ADAM7: variants seen among roughly 807,000 people sequenced by gnomAD.
ADAM7 encodes disintegrin and metalloproteinase domain-containing protein 7.
A neutral mutation model predicts 102.9 loss-of-function variants in ADAM7; 97 were observed. The ratio of observed to expected loss-of-function variants is 0.94; its 90% CI spans 0.80 to 1.12. The LOEUF (loss-of-function observed/expected upper bound fraction) is 1.12. Among genes scored for constraint, ADAM7 ranks in the 50% most tolerant of loss-of-function variants. ADAM7 has a pLI of 0.00. For synonymous variants in ADAM7, 334 were observed against 304.4 expected, an observed-to-expected ratio of 1.10 and a Z score of -1.01; for missense variants, 991 against 908.7, an observed-to-expected ratio of 1.09 and a Z score of -1.16.
chr8:24,447,758 T>A (rs1002537990), intron 3 of ADAM7, among the ~76,000 whole-genome samples: 1 of 152,164 alleles, frequency 6.6e-6, no homozygotes, highest in Non-Finnish European at 1.5e-5. Context: ...AAAGAATGTC[T>A]ATTGTTGCCG....
chr8:24,463,424 G>T (rs532090978), intron 3 of ADAM7, among the ~76,000 whole-genome samples: 3 of 152,136 alleles, frequency 2.0e-5, no homozygotes, highest in East Asian at 1.9e-4. Flanking sequence ...TCCAAATACA[G>T]CATGGGTAGT....
At chr8:24,473,020 C>A (rs1819657604) in intron 7 of ADAM7, among the ~76,000 whole-genome samples, 1 of 151,712 alleles carries the variant, frequency 6.6e-6, no homozygotes, top group Non-Finnish European at 1.5e-5. Flanking sequence ...AATAGGAAAC[C>A]CCAAAAAGAT....
chr8:24,502,917 AAG>A (rs200058473), intron 20 of ADAM7, among the ~76,000 whole-genome samples: 16 of 69,962 alleles, frequency 2.3e-4, no homozygotes, highest in Non-Finnish European at 4.5e-4. Context: ...TCATTACAAG[AAG>A]AAAAAGCACT....
chr8:24,473,242 T>A (rs1027704839), intron 7 of ADAM7, among the ~76,000 whole-genome samples: 4 of 152,216 alleles, frequency 2.6e-5, no homozygotes, highest in African/African-American at 9.6e-5. Flanking sequence ...AAGTTTATTA[T>A]AACCTTTGTA....
At chr8:24,500,598 C>G (rs1820725574) in intron 18 of ADAM7, among the ~76,000 whole-genome samples, 192 bp from the exon 19 acceptor site, 1 of 152,084 alleles carries the variant, frequency 6.6e-6, no homozygotes, top group Non-Finnish European at 1.5e-5. Context: ...GGTGGAGTGT[C>G]AGTTGCAAAT....
chr8:24,506,290 G>C, intron 20 of ADAM7: 1 of 713,992 alleles, frequency 1.4e-6, no homozygotes, highest in South Asian at 1.8e-5. Context: ...ATCGGAGGTA[G>C]AAATGGGACA....
At chr8:24,476,994 G>A (rs1477956509) in intron 8 of ADAM7, among the ~76,000 whole-genome samples, 2 of 151,584 alleles carry the variant, frequency 1.3e-5, no homozygotes, top group Non-Finnish European at 2.9e-5. Context: ...CATTTTTTTT[G>A]CCGACTCATT....
At chr8:24,459,311 ATTATC>A (rs1374019986) in intron 3 of ADAM7, among the ~76,000 whole-genome samples, 6 of 151,904 alleles carry the variant, frequency 3.9e-5, no homozygotes, top group African/African-American at 1.2e-4. Context: ...GTTTCATAAT[ATTATC>A]TTATAATTTT....
intron 20 of ADAM7, 48 bp downstream of exon 20, chr8:24,501,624 T>A (rs80176469): frequency 4.5e-6 from 5 of 1,116,718 alleles, no homozygotes; most frequent in Admixed American, 4.9e-5. Flanking sequence ...TTTTTTTTTT[T>A]AAGTAGCTGA....
chr8:24,466,955 G>C lies in ADAM7; in HGVS notation c.546G>C (p.Gly182=). ...ATTTTACCAGAAAAACTGTTCCAGG[G>C]GATAATGAATCTGAAGAAGACTCCA... is the stretch of plus-strand genomic sequence containing the variant. ...ELNFTRKTVP[G]DNESEEDSKI... is the part of the protein sequence containing the mutation. The change falls in exon 6 of 22, where the codon GGG becomes GGC. Residue 182 remains glycine, a synonymous_variant. Coordinates refer to ENST00000175238, the MANE Select transcript of ADAM7 (RefSeq NM_003817.4). The C allele has an allele frequency of 6.2e-7, 1 of 1,613,780 alleles. No individual in the cohort carries two copies. The highest frequency in any genetic ancestry group is 2.2e-5 in the East Asian group (1 of 44,834).
chr8:24,444,870 C>T (rs930860868), intron 2 of ADAM7, among the ~76,000 whole-genome samples: 4 of 152,012 alleles, frequency 2.6e-5, no homozygotes, highest in Admixed American at 6.6e-5. Flanking sequence ...TGGGCTTATT[C>T]GTTGTGACAA....
intron 20 of ADAM7, among the ~76,000 whole-genome samples, chr8:24,504,443 TAA>T (rs111924572): frequency 9.6e-4 from 143 of 149,584 alleles, no homozygotes; most frequent in African/African-American, 3.2e-3. Context: ...GCATTAGCTT[TAA>T]AAAAAAAAAT....
At chr8:24,447,378 T>C (rs549087818) in intron 3 of ADAM7, 116 bp downstream of exon 3, 25 of 461,804 alleles carry the variant, frequency 5.4e-5, no homozygotes, top group African/African-American at 4.0e-4. Flanking sequence ...GTAATCTGAA[T>C]TTTTCCTCTT....
intron 7 of ADAM7, among the ~76,000 whole-genome samples, chr8:24,473,551 A>G (rs974710848): frequency 6.6e-6 from 1 of 152,216 alleles, no homozygotes; most frequent in African/African-American, 2.4e-5. Flanking sequence ...AGTAAGTCAT[A>G]TGTCCAAGAC....
At chr8:24,489,724 T>C (rs1230129479) in intron 12 of ADAM7, among the ~76,000 whole-genome samples, 1 of 152,200 alleles carries the variant, frequency 6.6e-6, no homozygotes, top group Non-Finnish European at 1.5e-5. Flanking sequence ...GTATCACAGC[T>C]GGACAGTTCC....
chr8:24,468,728 G>A, intron 6 of ADAM7, 39 bp from the exon 7 acceptor site: 1 of 1,578,916 alleles, frequency 6.3e-7, no homozygotes, highest in South Asian at 1.1e-5. Context: ...GATAGAAAGT[G>A]TTAACTATAC....
chr8:24,475,838 G>A (rs1307877020), intron 7 of ADAM7: 7 of 437,248 alleles, frequency 1.6e-5, no homozygotes, highest in Non-Finnish European at 3.2e-5. Context: ...GATCCCGATA[G>A]TACAAAAAGG....
rs973319476 is a variant in ADAM7 at position 24,464,035 on chromosome 8, G to A, written c.312+75G>A. 2.3e-6 allele frequency: 3 copies of A among 1,300,224 alleles called. No homozygotes were observed. In the African/African-American group the frequency reaches 4.4e-5, roughly 19 times the overall value. The allele number at this position is 1,300,224 out of a possible 1,614,324, so 80.5% of individuals were successfully genotyped here. On this transcript the variant is annotated intron_variant, in intron 4 of 21. Coordinates refer to ENST00000175238, the MANE Select transcript of ADAM7 (RefSeq NM_003817.4). ...GATGTGATTTTGAAACCCTGTTCTA[G>A]CTGTACAAGCTGTTTCAGAAAGTAC... is the stretch of plus-strand genomic sequence containing the variant.
rs141952149 is a variant in ADAM7, at chr8:24,509,199, CAG to C, written c.*657_*658del. On this transcript the variant is annotated 3_prime_UTR_variant, in exon 22 of 22. Transcript: ENST00000175238. ...TTTCTAGAATTCCTTAAGAAGCTGA[CAG>C]AGAAATCAGAGGGTTACAAGAATTT... The C allele has an allele frequency of 4.8e-3, 4,703 of 985,376 alleles. 164 individuals carry two copies. In the African/African-American group the frequency reaches 0.077, roughly 16 times the overall value. 61.0% of individuals were successfully genotyped at this position (985,376 alleles called of 1,614,324 possible). A position where few individuals can be genotyped will look rare whatever the true frequency, so the allele number is the denominator to read the frequency against.
Sources: gnomAD v4.1 joint callset for allele counts (sites outside exome capture counted in the v4.1 genomes callset) on GRCh38, gnomAD v4.1.1 for gene constraint, MANE v1.5 for transcripts, NCBI Gene and HGNC (gene_info 2026-07-23, HGNC 2026-07-21) for gene names.